The following MLKL variants were observed in gnomAD, a reference collection of about 807,000 sequenced individuals.
MLKL encodes mixed lineage kinase domain-like protein.
In MLKL, 55 loss-of-function variants were observed where a neutral mutation model predicts 56.5. That is an observed-to-expected ratio of 0.97 (90% confidence interval 0.78 to 1.22). MLKL has a LOEUF of 1.22. Among genes scored for constraint, MLKL ranks in the 50% most tolerant of loss-of-function variants. The pLI is 0.00. For synonymous variants in MLKL, 251 were observed against 208.3 expected, an observed-to-expected ratio of 1.20 and a Z score of -1.76; for missense variants, 694 against 573.9, an observed-to-expected ratio of 1.21 and a Z score of -2.14.
At chr16:74,700,158 C>T (rs1455197107) in intron 1 of MLKL, among the ~76,000 whole-genome samples, 2 of 152,166 alleles carry the variant, frequency 1.3e-5, no homozygotes, top group Admixed American at 1.3e-4. Context: ...CTCTCTCACG[C>T]CTTCAGCCTG....
rs762075271 is a variant in MLKL at position 74,691,442 on chromosome 16, T to G, written c.557A>C (p.Gln186Pro). 6.2e-7 allele frequency: 1 copy of G among 1,613,568 alleles called. No homozygotes were observed. Among genetic ancestry groups the G allele is most frequent in the Non-Finnish European group, 8.5e-7 (1 of 1,179,906 alleles). Residue 186 changes from glutamine to proline, a missense_variant, in exon 4 of 11, where the codon CAG (glutamine) becomes CCG (proline). Coordinates refer to ENST00000308807, the MANE Select transcript of MLKL (RefSeq NM_152649.4). ...LRQYLPPKCM[Q>P]EIPQEQIKEI... ...CTTGATTTGCTCTTGCGGGATCTCC[T>G]GCATGCATTTTGGTGGTAAATCTGA...
chr16:74,687,810 A>G (rs1567611752), intron 4 of MLKL, among the ~76,000 whole-genome samples: 1 of 151,976 alleles, frequency 6.6e-6, no homozygotes, highest in Non-Finnish European at 1.5e-5. Flanking sequence ...CTGGGACTAC[A>G]GGTGCCTGCC....
intron 8 of MLKL, 39 bp downstream of exon 8, chr16:74,675,574 C>T: frequency 6.3e-7 from 1 of 1,598,052 alleles, no homozygotes. Context: ...TCCTATTATG[C>T]ACATCTGAGT....
At chr16:74,684,255 C>T (rs1960179989) in intron 5 of MLKL, among the ~76,000 whole-genome samples, 1 of 151,522 alleles carries the variant, frequency 6.6e-6, no homozygotes, top group Admixed American at 6.6e-5. Flanking sequence ...GCCTACGTTT[C>T]CCTTTAGATT....
rs775772450 is a variant in MLKL at position 74,672,586 on chromosome 16, C to G, written c.1382-48G>C. On this transcript the variant is annotated intron_variant, in intron 10 of 10. Transcript: ENST00000308807. ...TTAGACCAGGGTAGGCAGCTGAGAG[C>G]CAAGTTAGAAACACAAAGACATTTC... 20 of 1,558,900 alleles carry G rather than the reference C, an allele frequency of 1.3e-5. No individual in the cohort carries two copies. In the African/African-American group the frequency reaches 2.5e-4, roughly 19 times the overall value.
chr16:74,693,730 A>T (rs1241637882), intron 2 of MLKL, among the ~76,000 whole-genome samples: 3 of 151,420 alleles, frequency 2.0e-5, no homozygotes. Context: ...CAGCCTCCCG[A>T]GTAGCTGGGA....
intron 4 of MLKL, among the ~76,000 whole-genome samples, chr16:74,688,261 T>C (rs573965956): frequency 6.6e-6 from 1 of 152,274 alleles, no homozygotes; most frequent in Non-Finnish European, 1.5e-5. Flanking sequence ...TGAGCTGCAG[T>C]GCCAGGCCAG....
rs997733056 is a variant in MLKL at position 74,681,687 on chromosome 16, G to T, written c.956+964C>A. ...CAGGCACCTGTAGTCCCAGCTACTCGGGAGGCTAAGGCAGGAGAATGGCAT... is the reference window on the plus strand; with the variant it reads ...CAGGCACCTGTAGTCCCAGCTACTCTGGAGGCTAAGGCAGGAGAATGGCAT... On this transcript the variant is annotated intron_variant, in intron 6 of 10. Transcript: ENST00000308807. Among the ~76,000 whole-genome samples the T allele has an allele frequency of 2.6e-5, 4 of 151,634 alleles. No individual in the cohort carries two copies. In the South Asian group the frequency reaches 8.4e-4, roughly 32 times the overall value.
chr16:74,672,820 A>G (rs1029476127), intron 10 of MLKL, among the ~76,000 whole-genome samples: 4 of 152,210 alleles, frequency 2.6e-5, no homozygotes, highest in African/African-American at 9.6e-5. Context: ...CCTAGGTTGT[A>G]AGGGAGCTTG....
At chr16:74,691,523 T>G (rs1960679352) in intron 3 of MLKL, 60 bp from the exon 4 acceptor site, 2 of 1,538,738 alleles carry the variant, frequency 1.3e-6, no homozygotes, top group Admixed American at 4.0e-5. Flanking sequence ...GAAGGGGTCC[T>G]AAGGGAGGTG....
Position 74,686,497 on chromosome 16 carries a change from G to A in MLKL, c.723-914C>T, listed in dbSNP as rs539513881. Among the ~76,000 whole-genome samples, 5 of 152,272 alleles carry A rather than the reference G, an allele frequency of 3.3e-5. No homozygotes were observed. In the South Asian group the frequency reaches 6.2e-4, roughly 19 times the overall value. ...ACTTGGGAGGCTGAGGCAGGAGAAC[G>A]GCGTGAACCCAGGAGGTGGAGCTTG... On this transcript the variant is annotated intron_variant, in intron 4 of 10. Transcript: ENST00000308807.
intron 4 of MLKL, among the ~76,000 whole-genome samples, chr16:74,688,989 A>C (rs1037266702): frequency 6.6e-6 from 1 of 152,210 alleles, no homozygotes; most frequent in Non-Finnish European, 1.5e-5. Flanking sequence ...AAGATTCAGA[A>C]AAGGCAAATC....
rs766009646 is a variant in MLKL at position 74,678,953 on chromosome 16, G to C, written c.984C>G (p.Leu328=). Residue 328 remains leucine, a synonymous_variant, in exon 7 of 11, where the codon CTC becomes CTG. Coordinates refer to ENST00000308807, the MANE Select transcript of MLKL (RefSeq NM_152649.4). The stretch of plus-strand genomic sequence containing the variant: ...AGTTTGAGCTTCTGATTTTTCCGTG[G>C]AGTTCAGGTGCTTCTGAATGGTGTA... ...YRLHHSEAPE[L]HGKIRSSNFL... 4 of 1,614,098 alleles carry C rather than the reference G, an allele frequency of 2.5e-6. No homozygotes were observed. The highest frequency in any genetic ancestry group is 3.3e-5 in the Admixed American group (2 of 60,020).
intron 7 of MLKL, chr16:74,676,212 C>T (rs1959585988): frequency 1.0e-6 from 1 of 993,592 alleles, no homozygotes; most frequent in Admixed American, 5.6e-5. Context: ...GGCATCCCCT[C>T]TGTGCTATCT....
At chr16:74,675,257 A>C (rs1959515191) in intron 9 of MLKL, 98 bp downstream of exon 9, 1 of 1,586,082 alleles carries the variant, frequency 6.3e-7, no homozygotes, top group Admixed American at 1.8e-5. Flanking sequence ...CCCACATTAA[A>C]CAACAAATTG....
chr16:74,684,686 G>A (rs1442590894), intron 5 of MLKL, among the ~76,000 whole-genome samples: 2 of 151,494 alleles, frequency 1.3e-5, no homozygotes, highest in Non-Finnish European at 2.9e-5. Flanking sequence ...AGTAGAGACG[G>A]GGTTTCATCA....
chr16:74,688,389 A>T (rs545631992), intron 4 of MLKL, among the ~76,000 whole-genome samples: 1 of 152,170 alleles, frequency 6.6e-6, no homozygotes, highest in African/African-American at 2.4e-5. Context: ...AAACCTAAAT[A>T]TAAGAGCCAA....
intron 1 of MLKL, 43 bp from the exon 2 acceptor site, chr16:74,695,802 T>C (rs1961004101): frequency 6.6e-7 from 1 of 1,503,918 alleles, no homozygotes; most frequent in African/African-American, 1.4e-5. Flanking sequence ...CCAAATCTCC[T>C]GCATATTCAC....
At chr16:74,686,280 T>C (rs1380205259) in intron 4 of MLKL, among the ~76,000 whole-genome samples, 2 of 151,998 alleles carry the variant, frequency 1.3e-5, no homozygotes, top group Admixed American at 1.3e-4. Flanking sequence ...GTGTCTTTGA[T>C]GAATAAAAAT....
Sources: gnomAD v4.1 joint callset for allele counts (sites outside exome capture counted in the v4.1 genomes callset) on GRCh38, gnomAD v4.1.1 for gene constraint, MANE v1.5 for transcripts, NCBI Gene and HGNC (gene_info 2026-07-23, HGNC 2026-07-21) for gene names.